CTIF: variants seen among roughly 807,000 people sequenced by gnomAD.
CTIF encodes cap binding complex dependent translation initiation factor.
A neutral mutation model predicts 66.0 loss-of-function variants in CTIF; 21 were observed. The ratio of observed to expected loss-of-function variants is 0.32; its 90% CI spans 0.23 to 0.46. The LOEUF is 0.46. Among genes scored for constraint, CTIF ranks in the 20% least tolerant of loss-of-function variants. CTIF has a pLI of 1.00. For synonymous variants in CTIF, 345 were observed against 326.4 expected, an observed-to-expected ratio of 1.06 and a Z score of -0.62; for missense variants, 739 against 812.7, an observed-to-expected ratio of 0.91 and a Z score of 1.10.
chr18:48,736,791 G>A (rs1247954471), intron 7 of CTIF, among the ~76,000 whole-genome samples: 1 of 152,132 alleles, frequency 6.6e-6, no homozygotes, highest in Non-Finnish European at 1.5e-5. Context: ...GCCTCAGGCG[G>A]GCAAAACATA....
At position 48,862,881 on chromosome 18, in the gene CTIF, A is replaced by T. The variant is rs1164608029; in HGVS notation, c.*3322A>T. 4 of 152,278 alleles carry T rather than the reference A, an allele frequency of 2.6e-5. No homozygotes were observed. The highest frequency in any genetic ancestry group is 1.3e-4 in the Admixed American group (2 of 15,290). 9.4% of individuals were successfully genotyped at this position (152,278 alleles called of 1,614,324 possible). On this transcript the variant is annotated 3_prime_UTR_variant, in exon 12 of 12. Transcript: ENST00000256413. ...GGCCCGTGTTCCTTGTCAGACAGAC[A>T]GACTCTCAGGCCTGCCTGGGGAGTC...
At chr18:48,587,075 CT>C (rs778079682) in intron 1 of CTIF, among the ~76,000 whole-genome samples, 3,446 of 127,986 alleles carry the variant, frequency 0.027, 41 homozygotes, top group Non-Finnish European at 0.032. Context: ...AAGCCACATT[CT>C]TTTTTTTTTT....
chr18:48,635,544 C>G (rs1400066869), intron 2 of CTIF, among the ~76,000 whole-genome samples: 1 of 151,968 alleles, frequency 6.6e-6, no homozygotes, highest in Non-Finnish European at 1.5e-5. Context: ...CCAGGCTGGT[C>G]TCAGACTCCT....
At chr18:48,617,699 G>A (rs917035170) in intron 1 of CTIF, among the ~76,000 whole-genome samples, 1 of 152,208 alleles carries the variant, frequency 6.6e-6, no homozygotes, top group Admixed American at 6.5e-5. Flanking sequence ...GCCACCAGAT[G>A]TGCATAGCCC....
At chr18:48,833,546 G>C (rs1568254624) in intron 10 of CTIF, among the ~76,000 whole-genome samples, 1 of 152,116 alleles carries the variant, frequency 6.6e-6, no homozygotes, top group Non-Finnish European at 1.5e-5. Context: ...AGTCCCATCA[G>C]ATCACCTCAC....
chr18:48,619,895 G>A, intron 2 of CTIF, 150 bp downstream of exon 2: 1 of 821,548 alleles, frequency 1.2e-6, no homozygotes, highest in Admixed American at 3.5e-5. Flanking sequence ...TCTGGCAGGT[G>A]GGCTTTGGGA....
intron 10 of CTIF, among the ~76,000 whole-genome samples, chr18:48,824,443 A>G (rs934970632): frequency 2.0e-5 from 3 of 152,052 alleles, no homozygotes; most frequent in Non-Finnish European, 4.4e-5. Flanking sequence ...TGGCTTGTCT[A>G]GAGCCTTCAT....
chr18:48,670,784 C>G (rs776491838), intron 6 of CTIF, 40 bp downstream of exon 6: 2 of 1,535,928 alleles, frequency 1.3e-6, no homozygotes. Flanking sequence ...CCACCCCCAC[C>G]CCTGGAGTCC....
At chr18:48,560,492 TG>T (rs2089131903) in intron 1 of CTIF, among the ~76,000 whole-genome samples, 1 of 152,176 alleles carries the variant, frequency 6.6e-6, no homozygotes, top group South Asian at 2.1e-4. Flanking sequence ...CCCAAAGTGC[TG>T]GGATTACAGG....
intron 10 of CTIF, among the ~76,000 whole-genome samples, chr18:48,831,508 C>G (rs750664183): frequency 7.9e-5 from 12 of 152,046 alleles, no homozygotes; most frequent in African/African-American, 2.9e-4. Flanking sequence ...CCATGAGGAA[C>G]GGAGGAAGTT....
intron 7 of CTIF, among the ~76,000 whole-genome samples, chr18:48,726,724 A>G (rs554517926): frequency 4.6e-5 from 7 of 152,298 alleles, no homozygotes; most frequent in African/African-American, 1.7e-4. Flanking sequence ...TGGAAGTGAC[A>G]TGCCATATTC....
intron 7 of CTIF, among the ~76,000 whole-genome samples, chr18:48,741,917 T>A (rs1483394333): frequency 6.6e-6 from 1 of 152,182 alleles, no homozygotes; most frequent in Non-Finnish European, 1.5e-5. Flanking sequence ...GACCAAGGGC[T>A]TGACACCTGC....
rs117430810 is a variant in CTIF, at chr18:48,594,209, C to T, written c.-28-25329C>T. 7.5e-3 allele frequency among the ~76,000 whole-genome samples: 1,142 copies of T among 152,280 alleles called. 8 individuals are homozygous for T. Among genetic ancestry groups the T allele is most frequent in the Non-Finnish European group, 0.012 (803 of 68,026 alleles). The stretch of plus-strand genomic sequence containing the variant: ...CTCACCGGCTGGCTTCCTGAGCCTG[C>T]ACCCCATGCGGATGCACGGGGTCCC... On this transcript the variant is annotated intron_variant, in intron 1 of 11. Coordinates refer to ENST00000256413, the MANE Select transcript of CTIF (RefSeq NM_014772.3).
chr18:48,851,131 G>C (rs1222668876), intron 10 of CTIF, among the ~76,000 whole-genome samples: 1 of 152,258 alleles, frequency 6.6e-6, no homozygotes, highest in East Asian at 1.9e-4. Flanking sequence ...CTCTGCCTTA[G>C]GGCCCTGGGC....
Position 48,551,886 on chromosome 18 carries a change from C to T in CTIF, c.-29+12574C>T, listed in dbSNP as rs530554987. Among the ~76,000 whole-genome samples, 30 of 152,250 alleles carry T rather than the reference C, an allele frequency of 2.0e-4. No homozygotes were observed. The East Asian group carries it at 5.2e-3, about 26-fold the overall frequency. ...GATGTCGGCTCACTGCAAGCTCCGCCTCCTGGGTTCACGCCATTCTCCTGC... is the reference window on the plus strand; with the variant it reads ...GATGTCGGCTCACTGCAAGCTCCGCTTCCTGGGTTCACGCCATTCTCCTGC... On this transcript the variant is annotated intron_variant, in intron 1 of 11. Coordinates refer to ENST00000256413, the MANE Select transcript of CTIF (RefSeq NM_014772.3).
At chr18:48,790,107 A>G (rs1166327059) in intron 9 of CTIF, among the ~76,000 whole-genome samples, 1 of 152,226 alleles carries the variant, frequency 6.6e-6, no homozygotes, top group Non-Finnish European at 1.5e-5. Context: ...GAAGGGATGG[A>G]AGTAGAATGA....
chr18:48,657,194 A>C (rs1238579533), intron 3 of CTIF, among the ~76,000 whole-genome samples: 2 of 152,260 alleles, frequency 1.3e-5, no homozygotes, highest in Non-Finnish European at 2.9e-5. Context: ...TTCTAGCCAA[A>C]AACCTTGGGA....
At chr18:48,766,932 T>TCTC (rs1555688909) in intron 9 of CTIF, among the ~76,000 whole-genome samples, 1 of 152,218 alleles carries the variant, frequency 6.6e-6, no homozygotes, top group African/African-American at 2.4e-5. Flanking sequence ...CCATTTTCCT[T>TCTC]TTCCTTGGCC....
chr18:48,545,326 T>C (rs2088719370), intron 1 of CTIF, among the ~76,000 whole-genome samples: 1 of 152,124 alleles, frequency 6.6e-6, no homozygotes, highest in Non-Finnish European at 1.5e-5. Context: ...TGTACAGCCT[T>C]GCTTGGATCG....
Sources: allele counts gnomAD v4.1 joint callset (sites outside exome capture counted in the v4.1 genomes callset), GRCh38; gene constraint gnomAD v4.1.1; transcripts MANE v1.5; gene names NCBI Gene and HGNC (gene_info 2026-07-23, HGNC 2026-07-21).